CDH13: variants seen among roughly 807,000 people sequenced by gnomAD.
The protein encoded by CDH13 is cadherin 13.
In CDH13, 24 loss-of-function variants were observed where a neutral mutation model predicts 63.8. That is an observed-to-expected ratio of 0.38 (90% CI 0.27 to 0.53). CDH13 has a LOEUF of 0.53. Among genes scored for constraint, CDH13 ranks in the 20% least tolerant of loss-of-function variants. CDH13 has a pLI of 0.85. For missense variants in CDH13, 1,049 were observed against 903.1 expected (o/e 1.16, Z -2.07); for synonymous variants, 503 against 355.3 (o/e 1.42, Z -4.67).
chr16:83,470,486 T>G (rs1263640630), intron 6 of CDH13, among the ~76,000 whole-genome samples: 1 of 152,232 alleles, frequency 6.6e-6, no homozygotes, highest in African/African-American at 2.4e-5. Flanking sequence ...AGCTTTGTCC[T>G]TTCTGAAATT....
chr16:83,125,804 G>T (rs2035784420), intron 4 of CDH13, among the ~76,000 whole-genome samples: 2 of 152,254 alleles, frequency 1.3e-5, no homozygotes, highest in South Asian at 2.1e-4. Flanking sequence ...TTATATTCAG[G>T]TGATCACCAG....
chr16:83,039,052 T>A (rs1205300232), intron 3 of CDH13, among the ~76,000 whole-genome samples: 1 of 152,156 alleles, frequency 6.6e-6, no homozygotes, highest in African/African-American at 2.4e-5. Context: ...GTGGTAGAAT[T>A]TAGATGCCTA....
intron 7 of CDH13, among the ~76,000 whole-genome samples, chr16:83,487,286 A>T (rs1042178201): frequency 2.6e-5 from 4 of 152,194 alleles, no homozygotes; most frequent in Non-Finnish European, 5.9e-5. Context: ...ATTAGTTGTC[A>T]TATCAAAATA....
chr16:82,666,740 T>C (rs1271704207), intron 1 of CDH13, among the ~76,000 whole-genome samples: 3 of 152,182 alleles, frequency 2.0e-5, no homozygotes, highest in African/African-American at 4.8e-5. Context: ...CACCCATTTT[T>C]AGAAATGTTA....
At chr16:83,266,978 A>G (rs1482329690) in intron 5 of CDH13, among the ~76,000 whole-genome samples, 1 of 152,128 alleles carries the variant, frequency 6.6e-6, no homozygotes, top group Admixed American at 6.5e-5. Flanking sequence ...AAATGACAGG[A>G]GTTATGACTG....
At chr16:82,875,332 A>G (rs1182305320) in intron 2 of CDH13, among the ~76,000 whole-genome samples, 1 of 152,210 alleles carries the variant, frequency 6.6e-6, no homozygotes, top group Admixed American at 6.5e-5. Context: ...TATAATTACA[A>G]TATGATGACT....
At chr16:83,630,556 G>A (rs1042692573) in intron 8 of CDH13, among the ~76,000 whole-genome samples, 18 of 152,162 alleles carry the variant, frequency 1.2e-4, no homozygotes, top group Admixed American at 8.5e-4. Flanking sequence ...GATCAAAGAC[G>A]GCGGTAGAGG....
intron 7 of CDH13, among the ~76,000 whole-genome samples, chr16:83,592,371 C>T (rs1906841966): frequency 6.6e-6 from 1 of 152,142 alleles, no homozygotes; most frequent in African/African-American, 2.4e-5. Context: ...AGAAATGCAC[C>T]AAAAGCAGAG....
chr16:82,710,394 A>G (rs1226006902), intron 1 of CDH13, among the ~76,000 whole-genome samples: 3 of 146,028 alleles, frequency 2.1e-5, no homozygotes, highest in African/African-American at 7.4e-5. Flanking sequence ...TTAGCTGCGC[A>G]TGGTGGTGGG....
intron 3 of CDH13, among the ~76,000 whole-genome samples, chr16:83,083,669 G>C (rs918092809): frequency 2.6e-5 from 4 of 152,140 alleles, no homozygotes; most frequent in African/African-American, 9.7e-5. Context: ...AAACTCGATA[G>C]AACTATAGTT....
intron 3 of CDH13, among the ~76,000 whole-genome samples, chr16:83,087,863 G>A (rs1177190688): frequency 6.6e-6 from 1 of 152,070 alleles, no homozygotes. Flanking sequence ...CCCTTGGGTT[G>A]TCTAGCAAGA....
chr16:83,009,173 A>T (rs1913860825), intron 2 of CDH13, among the ~76,000 whole-genome samples: 1 of 152,216 alleles, frequency 6.6e-6, no homozygotes, highest in Non-Finnish European at 1.5e-5. Context: ...TGTCTACTTC[A>T]TTCAAGAGAA....
intron 1 of CDH13, among the ~76,000 whole-genome samples, chr16:82,737,598 AG>A (rs1244338587): frequency 6.6e-6 from 1 of 152,200 alleles, no homozygotes; most frequent in Admixed American, 6.5e-5. Context: ...GAAGGTTTAT[AG>A]TGTGGTGGGG....
intron 1 of CDH13, chr16:82,823,653 A>G (rs1205891548): frequency 6.6e-6 from 1 of 152,204 alleles, no homozygotes. Flanking sequence ...AAGTATTTTC[A>G]ATAATACTGC....
chr16:82,891,297 C>T (rs1198133024), intron 2 of CDH13, among the ~76,000 whole-genome samples: 1 of 152,086 alleles, frequency 6.6e-6, no homozygotes, highest in Non-Finnish European at 1.5e-5. Context: ...AAGAAAGAAG[C>T]AGATTTCGTG....
At chr16:83,487,868 A>T (rs1415579082) in intron 7 of CDH13, among the ~76,000 whole-genome samples, 1 of 152,124 alleles carries the variant, frequency 6.6e-6, no homozygotes, top group Non-Finnish European at 1.5e-5. Context: ...ATAGTTTCTC[A>T]AGAGATTCTG....
intron 3 of CDH13, among the ~76,000 whole-genome samples, chr16:83,075,267 C>A (rs2032749523): frequency 6.6e-6 from 1 of 152,198 alleles, no homozygotes; most frequent in African/African-American, 2.4e-5. Context: ...AAAAGAGTTT[C>A]ACCCCAGTTC....
intron 2 of CDH13, among the ~76,000 whole-genome samples, chr16:82,932,873 C>G (rs777471435): frequency 6.6e-6 from 1 of 152,082 alleles, no homozygotes; most frequent in African/African-American, 2.4e-5. Flanking sequence ...ATGAACTTTA[C>G]TAGTAGAGAA....
chr16:83,687,346 C>A (rs752131525), intron 10 of CDH13, among the ~76,000 whole-genome samples: 2 of 152,188 alleles, frequency 1.3e-5, no homozygotes, highest in African/African-American at 2.4e-5. Flanking sequence ...GGAAGCATGG[C>A]AGCATCCACT....
Sources: gnomAD v4.1 joint callset for allele counts (sites outside exome capture counted in the v4.1 genomes callset) on GRCh38, gnomAD v4.1.1 for gene constraint, MANE v1.5 for transcripts, NCBI Gene and HGNC (gene_info 2026-07-23, HGNC 2026-07-21) for gene names.